The following CNTNAP2 variants were observed in gnomAD, a reference collection of about 807,000 sequenced individuals.
CNTNAP2 encodes contactin-associated protein-like 2.
Under a neutral mutation model 155.2 loss-of-function variants are expected in CNTNAP2, and 98 were observed. The observed-to-expected ratio is 0.63, with a 90% CI of 0.54 to 0.75. The LOEUF is 0.75. Ranked by LOEUF, CNTNAP2 falls within the 30% of genes least tolerant of loss-of-function variation. The pLI is 0.00. For missense variants in CNTNAP2, 1,727 were observed against 1,688.1 expected (o/e 1.02, Z -0.40); for synonymous variants, 651 against 631.2 (o/e 1.03, Z -0.47).
chr7:147,420,495 G>T (rs1797272237), intron 10 of CNTNAP2, among the ~76,000 whole-genome samples: 1 of 152,248 alleles, frequency 6.6e-6, no homozygotes, highest in Non-Finnish European at 1.5e-5. Flanking sequence ...TGTATTCATT[G>T]AATGATATTT....
At chr7:147,062,087 C>T (rs1799689518) in intron 4 of CNTNAP2, among the ~76,000 whole-genome samples, 1 of 129,182 alleles carries the variant, frequency 7.7e-6, no homozygotes, top group Admixed American at 9.5e-5. Flanking sequence ...GAGATCGCAC[C>T]ACTGCACTCC....
intron 2 of CNTNAP2, among the ~76,000 whole-genome samples, chr7:146,822,053 C>G (rs961462758): frequency 3.9e-5 from 6 of 152,030 alleles, no homozygotes; most frequent in Non-Finnish European, 5.9e-5. Flanking sequence ...TTCACAGTAG[C>G]AAAGACTTGG....
chr7:147,240,931 G>A (rs1051627266), intron 8 of CNTNAP2, among the ~76,000 whole-genome samples: 1 of 152,154 alleles, frequency 6.6e-6, no homozygotes, highest in African/African-American at 2.4e-5. Flanking sequence ...ATTTGGGGGT[G>A]AGGTGGGACA....
intron 15 of CNTNAP2, among the ~76,000 whole-genome samples, chr7:148,013,014 G>A (rs10277797): frequency 0.014 from 2,127 of 152,242 alleles, 39 homozygotes; most frequent in African/African-American, 0.049. Context: ...GTAATTGTAC[G>A]TGAGTGACAA....
chr7:147,224,115 G>A (rs1264577702), intron 8 of CNTNAP2, among the ~76,000 whole-genome samples: 1 of 152,128 alleles, frequency 6.6e-6, no homozygotes, highest in East Asian at 1.9e-4. Context: ...TCCCTCATCT[G>A]TCTCTTTAAT....
chr7:147,763,406 T>C (rs1238183444), intron 13 of CNTNAP2, among the ~76,000 whole-genome samples: 1 of 147,372 alleles, frequency 6.8e-6, no homozygotes, highest in Non-Finnish European at 1.5e-5. Context: ...AATACGATAC[T>C]TTACAAATTT....
intron 8 of CNTNAP2, among the ~76,000 whole-genome samples, chr7:147,212,427 T>C (rs1337159102): frequency 1.3e-5 from 2 of 152,158 alleles, no homozygotes; most frequent in Non-Finnish European, 2.9e-5. Flanking sequence ...TGAAGTCATG[T>C]ACTTTGCTAC....
intron 15 of CNTNAP2, among the ~76,000 whole-genome samples, chr7:148,017,746 T>C (rs1162670413): frequency 6.6e-6 from 1 of 152,210 alleles, no homozygotes; most frequent in Non-Finnish European, 1.5e-5. Flanking sequence ...TATGTAACAG[T>C]AATTTAAAAA....
At chr7:147,973,654 G>C (rs1391937119) in intron 14 of CNTNAP2, among the ~76,000 whole-genome samples, 1 of 152,136 alleles carries the variant, frequency 6.6e-6, no homozygotes, top group African/African-American at 2.4e-5. Context: ...CCTAGCTAAA[G>C]ACATCTTTAA....
chr7:146,720,529 G>A (rs1230413015), intron 1 of CNTNAP2, among the ~76,000 whole-genome samples: 2 of 152,050 alleles, frequency 1.3e-5, no homozygotes, highest in Non-Finnish European at 2.9e-5. Context: ...TAAGGTTAAA[G>A]CTGCCACATT....
intron 18 of CNTNAP2, among the ~76,000 whole-genome samples, chr7:148,216,421 T>C (rs1200646910): frequency 6.6e-6 from 1 of 152,218 alleles, no homozygotes; most frequent in Non-Finnish European, 1.5e-5. Context: ...AACCCAGTTC[T>C]CTCTAACTTC....
At chr7:146,516,281 A>T (rs1442304599) in intron 1 of CNTNAP2, among the ~76,000 whole-genome samples, 2 of 152,042 alleles carry the variant, frequency 1.3e-5, no homozygotes, top group Non-Finnish European at 2.9e-5. Flanking sequence ...GTGTACAACC[A>T]TTGTAAGAAA....
At chr7:147,474,840 A>T (rs372353065) in intron 10 of CNTNAP2, among the ~76,000 whole-genome samples, 1 of 152,128 alleles carries the variant, frequency 6.6e-6, no homozygotes. Context: ...ACTCTGCCTT[A>T]TGGAGCTGAG....
intron 4 of CNTNAP2, among the ~76,000 whole-genome samples, chr7:147,089,483 CT>C (rs1474956572): frequency 1.1e-4 from 17 of 152,064 alleles, no homozygotes; most frequent in Non-Finnish European, 1.0e-4. Context: ...TTTATTTTTA[CT>C]TGATTTAGCT....
chr7:146,621,056 T>G (rs1375074778), intron 1 of CNTNAP2, among the ~76,000 whole-genome samples: 1 of 152,170 alleles, frequency 6.6e-6, no homozygotes, highest in African/African-American at 2.4e-5. Flanking sequence ...CATATATCGA[T>G]CTCAACTTTA....
chr7:146,225,580 T>C (rs1197497714), intron 1 of CNTNAP2, among the ~76,000 whole-genome samples: 1 of 143,478 alleles, frequency 7.0e-6, no homozygotes, highest in Non-Finnish European at 1.5e-5. Flanking sequence ...GAAGAAAACC[T>C]TCTACATATT....
chr7:147,534,390 ATTATATTTC>A (rs1799504212), intron 11 of CNTNAP2, among the ~76,000 whole-genome samples: 1 of 152,166 alleles, frequency 6.6e-6, no homozygotes, highest in Non-Finnish European at 1.5e-5. Flanking sequence ...GCCACTTAGA[ATTATATTTC>A]TTAACAAGTT....
intron 3 of CNTNAP2, among the ~76,000 whole-genome samples, chr7:146,856,554 T>C (rs552994509): frequency 6.6e-6 from 1 of 152,068 alleles, no homozygotes; most frequent in Non-Finnish European, 1.5e-5. Context: ...AGAAGTAAAT[T>C]TGTATAGTCT....
intron 8 of CNTNAP2, among the ~76,000 whole-genome samples, chr7:147,180,765 C>T (rs28375393): frequency 0.033 from 5,022 of 152,008 alleles, 126 homozygotes; most frequent in African/African-American, 0.074. Flanking sequence ...CATACTTGTA[C>T]GCTGTACTGA....
Sources: allele counts gnomAD v4.1 joint callset (sites outside exome capture counted in the v4.1 genomes callset), GRCh38; gene constraint gnomAD v4.1.1; transcripts MANE v1.5; gene names NCBI Gene and HGNC (gene_info 2026-07-23, HGNC 2026-07-21).